Variants in ERC1 observed in about 807,000 individuals in gnomAD.
ERC1 encodes the protein RAB6 interacting protein 2.
A neutral mutation model predicts 132.0 loss-of-function variants in ERC1; 56 were observed. The ratio of observed to expected loss-of-function variants is 0.42; its 90% CI spans 0.34 to 0.53. The LOEUF (loss-of-function observed/expected upper bound fraction) is 0.53. Ranked by LOEUF, ERC1 falls within the 20% of genes least tolerant of loss-of-function variation. The pLI is 0.03. For synonymous variants in ERC1, 478 were observed against 476.1 expected (o/e 1.00, Z -0.05); for missense variants, 1,202 against 1,349.9 (o/e 0.89, Z 1.72).
intron 3 of ERC1, among the ~76,000 whole-genome samples, chr12:1,094,022 A>AT (rs35812412): frequency 0.033 from 3,949 of 120,214 alleles, 124 homozygotes; most frequent in Admixed American, 0.075. Context: ...TTAAAAAGAA[A>AT]TTTTTTTTTT....
chr12:1,409,567 A>T (rs930237834), intron 17 of ERC1, among the ~76,000 whole-genome samples: 10 of 152,348 alleles, frequency 6.6e-5, no homozygotes, highest in African/African-American at 1.9e-4. Flanking sequence ...GACAAACTAC[A>T]GTTGTTCCTG....
intron 15 of ERC1, among the ~76,000 whole-genome samples, chr12:1,341,114 G>T (rs1312272414): frequency 9.7e-5 from 3 of 30,944 alleles, no homozygotes; most frequent in African/African-American, 1.1e-4. Flanking sequence ...TTTTTTTTGA[G>T]GCAGAGTCTT....
At chr12:1,218,460 C>A (rs550390974) in intron 12 of ERC1, among the ~76,000 whole-genome samples, 4 of 152,012 alleles carry the variant, frequency 2.6e-5, no homozygotes, top group Non-Finnish European at 5.9e-5. Flanking sequence ...TTCTCTCTTC[C>A]CTTCTCAGCA....
intron 12 of ERC1, among the ~76,000 whole-genome samples, chr12:1,236,491 A>G (rs950273098): frequency 2.0e-5 from 3 of 152,172 alleles, no homozygotes; most frequent in Non-Finnish European, 4.4e-5. Context: ...CTTTTTAGTC[A>G]TTTCAAATGA....
At chr12:1,361,548 T>C (rs1221490456) in intron 15 of ERC1, among the ~76,000 whole-genome samples, 1 of 152,208 alleles carries the variant, frequency 6.6e-6, no homozygotes, top group African/African-American at 2.4e-5. Context: ...TGTGCTTAAA[T>C]ACCAGGAGCC....
intron 12 of ERC1, among the ~76,000 whole-genome samples, chr12:1,213,091 T>G (rs1377286832): frequency 6.6e-6 from 1 of 152,228 alleles, no homozygotes; most frequent in African/African-American, 2.4e-5. Context: ...GAGGTTAGTC[T>G]TCTTCACCTT....
At chr12:1,435,300 C>A (rs2092918686) in intron 17 of ERC1, among the ~76,000 whole-genome samples, 1 of 152,074 alleles carries the variant, frequency 6.6e-6, no homozygotes, top group Admixed American at 6.6e-5. Context: ...AAAGATTCTT[C>A]CCGTGGGCAG....
At chr12:1,139,857 T>TAGGTGTAGG (rs1949708252) in intron 7 of ERC1, among the ~76,000 whole-genome samples, 3 of 152,036 alleles carry the variant, frequency 2.0e-5, no homozygotes, top group Admixed American at 6.5e-5. Flanking sequence ...GTAGATTTAG[T>TAGGTGTAGG]AGGTGTAGGA....
At chr12:1,106,248 A>T (rs557288144) in intron 4 of ERC1, among the ~76,000 whole-genome samples, 1 of 152,352 alleles carries the variant, frequency 6.6e-6, no homozygotes, top group African/African-American at 2.4e-5. Context: ...CCTAGCGCAT[A>T]GTAAACATTC....
chr12:1,442,675 T>C (rs2093190065), intron 17 of ERC1, among the ~76,000 whole-genome samples: 1 of 152,234 alleles, frequency 6.6e-6, no homozygotes, highest in Non-Finnish European at 1.5e-5. Flanking sequence ...CTTTTAATTA[T>C]TTCCTGGAAA....
At chr12:1,048,871 T>C (rs1971478306) in intron 2 of ERC1, among the ~76,000 whole-genome samples, 1 of 152,234 alleles carries the variant, frequency 6.6e-6, no homozygotes, top group African/African-American at 2.4e-5. Context: ...GAATTGTTTG[T>C]GATGTGTGGT....
At chr12:1,303,909 C>T (rs918112342) in intron 15 of ERC1, among the ~76,000 whole-genome samples, 4 of 148,398 alleles carry the variant, frequency 2.7e-5, no homozygotes, top group Non-Finnish European at 1.5e-5. Flanking sequence ...GCCAAGATCA[C>T]GCCATTGCAC....
chr12:1,111,360 A>C (rs1945837765), intron 5 of ERC1, among the ~76,000 whole-genome samples: 1 of 152,186 alleles, frequency 6.6e-6, no homozygotes, highest in Non-Finnish European at 1.5e-5. Context: ...TTTAAGCCAG[A>C]AAATAAGTGT....
At chr12:1,296,787 T>G (rs1292063802) in intron 15 of ERC1, among the ~76,000 whole-genome samples, 1 of 152,112 alleles carries the variant, frequency 6.6e-6, no homozygotes, top group East Asian at 1.9e-4. Flanking sequence ...ATTCAATCTG[T>G]AGAACAGGGA....
intron 15 of ERC1, among the ~76,000 whole-genome samples, chr12:1,301,026 A>G (rs2080354562): frequency 7.7e-6 from 1 of 130,038 alleles, no homozygotes; most frequent in South Asian, 2.4e-4. Context: ...GTAACGAAAT[A>G]ATGTTTTTTG....
intron 1 of ERC1, among the ~76,000 whole-genome samples, chr12:1,009,869 A>G (rs1964394150): frequency 6.6e-6 from 1 of 152,184 alleles, no homozygotes; most frequent in Admixed American, 6.5e-5. Flanking sequence ...TAAATATGCA[A>G]TGTAATATGA....
intron 15 of ERC1, among the ~76,000 whole-genome samples, chr12:1,329,566 A>T (rs1461723931): frequency 6.6e-6 from 1 of 152,186 alleles, no homozygotes; most frequent in African/African-American, 2.4e-5. Context: ...TACTCGTTTT[A>T]TAGTTGAGGA....
chr12:1,352,173 A>G (rs1034577150), intron 15 of ERC1, among the ~76,000 whole-genome samples: 3 of 151,890 alleles, frequency 2.0e-5, no homozygotes, highest in Non-Finnish European at 4.4e-5. Context: ...TCATCATATC[A>G]CCCTGTTCCT....
At chr12:1,473,193 T>C (rs2093898943) in intron 18 of ERC1, among the ~76,000 whole-genome samples, 1 of 151,990 alleles carries the variant, frequency 6.6e-6, no homozygotes. Context: ...GCCCAGCTAA[T>C]TTTTGTATTT....
Sources: gnomAD v4.1 joint callset for allele counts (sites outside exome capture counted in the v4.1 genomes callset) on GRCh38, gnomAD v4.1.1 for gene constraint, MANE v1.5 for transcripts, NCBI Gene and HGNC (gene_info 2026-07-23, HGNC 2026-07-21) for gene names.